The following CDH26 variants were observed in gnomAD, a reference collection of about 807,000 sequenced individuals.
The protein encoded by CDH26 is cadherin 26.
A neutral mutation model predicts 90.3 loss-of-function variants in CDH26; 83 were observed. That is an observed-to-expected ratio of 0.92 (90% CI 0.77 to 1.10). CDH26 has a LOEUF of 1.10. CDH26 is among the 50% of genes least tolerant of loss of function. The pLI is 0.00. For synonymous variants in CDH26, 397 were observed against 396.3 expected (o/e 1.00, Z -0.02); for missense variants, 1,013 against 1,037.6 (o/e 0.98, Z 0.33).
intron 2 of CDH26, 106 bp from the exon 3 acceptor site, chr20:59,969,976 G>A: frequency 6.8e-7 from 1 of 1,472,528 alleles, no homozygotes. Context: ...AGAGAATGCA[G>A]GCCAGGTGTC....
chr20:59,998,515 A>T (rs2146001389), intron 13 of CDH26, among the ~76,000 whole-genome samples: 1 of 152,298 alleles, frequency 6.6e-6, no homozygotes, highest in East Asian at 1.9e-4. Context: ...CTGGTCAAAG[A>T]CCAGCTATGC....
intron 16 of CDH26, 43 bp downstream of exon 16, chr20:60,002,909 T>C: frequency 7.1e-7 from 1 of 1,414,066 alleles, no homozygotes; most frequent in South Asian, 1.5e-5. Flanking sequence ...ATTTACCTTA[T>C]TGTTCTGCCT....
chr20:59,967,068 C>T (rs922565599), intron 1 of CDH26, among the ~76,000 whole-genome samples: 5 of 151,952 alleles, frequency 3.3e-5, no homozygotes, highest in Admixed American at 2.6e-4. Flanking sequence ...ATAAAAATTA[C>T]ACATTGTTAT....
rs778170230 is a variant in CDH26 at position 59,958,638 on chromosome 20, G to A, written c.-89G>A. On this transcript the variant is annotated 5_prime_UTR_variant, in exon 1 of 18. Transcript: ENST00000348616. ...ACCTTTAGAGAAGAAGCTGCTGGCTGAGAAGGAGGTGTGTGGCTCCGGTGA... is the reference window on the plus strand; with the variant it reads ...ACCTTTAGAGAAGAAGCTGCTGGCTAAGAAGGAGGTGTGTGGCTCCGGTGA... The A allele has an allele frequency of 1.1e-5, 14 of 1,239,440 alleles. No homozygotes were observed. Among genetic ancestry groups the A allele is most frequent in the African/African-American group, 4.5e-5 (3 of 67,386 alleles). 76.8% of individuals were successfully genotyped at this position (1,239,440 alleles called of 1,614,324 possible).
At chr20:59,983,456 C>A (rs1035174863) in intron 5 of CDH26, among the ~76,000 whole-genome samples, 3 of 152,094 alleles carry the variant, frequency 2.0e-5, no homozygotes, top group South Asian at 2.1e-4. Context: ...TAAACCCAAC[C>A]GACTCTTACT....
rs1034756392 is a variant in CDH26, at chr20:60,013,266, T to G, written c.*536T>G. ...TTCACTTTTTGATTAGATAAATAGA[T>G]AAAATATGTTATCTTGAGAAAAATG... is the stretch of plus-strand genomic sequence containing the variant. On this transcript the variant is annotated 3_prime_UTR_variant, in exon 18 of 18. Transcript: ENST00000348616. The G allele has an allele frequency of 6.6e-6, 1 of 152,354 alleles. No individual in the cohort carries two copies. The highest frequency in any genetic ancestry group is 2.4e-5 in the African/African-American group (1 of 41,460). The allele number at this position is 152,354 out of a possible 1,614,324, so 9.4% of individuals were successfully genotyped here.
intron 13 of CDH26, 118 bp downstream of exon 13, chr20:59,996,879 C>T: frequency 7.4e-7 from 1 of 1,360,160 alleles, no homozygotes; most frequent in Non-Finnish European, 1.0e-6. Flanking sequence ...ACCCGTGTTT[C>T]AGTAGCAAGT....
At position 59,984,665 on chromosome 20, in the gene CDH26, G is replaced by A. The variant is rs1365191474; in HGVS notation, c.568G>A (p.Val190Ile). The A allele has an allele frequency of 6.2e-7, 1 of 1,612,484 alleles. No homozygotes were observed. The highest frequency in any genetic ancestry group is 8.5e-7 in the Non-Finnish European group (1 of 1,179,614). ...AGQPIFQMLA[V>I]DLDEENTPNS... is the part of the protein sequence containing the mutation. ...GCAACCTATTTTTCAGATGTTAGCA[G>A]TCGATTTGGATGAAGAAAACACTCC... Residue 190 changes from valine to isoleucine, a missense_variant, in exon 6 of 18, where the codon GTC (valine) becomes ATC (isoleucine). Physicochemically the swap from Val to Ile is conservative, Grantham distance 29. Coordinates refer to ENST00000348616, the MANE Select transcript of CDH26 (RefSeq NM_177980.4).
At chr20:59,963,272 G>GTTT (rs2061100050) in intron 1 of CDH26, among the ~76,000 whole-genome samples, 1 of 66,344 alleles carries the variant, frequency 1.5e-5, no homozygotes. Flanking sequence ...TTTTTTTTTG[G>GTTT]CAGGGTCTCA....
intron 4 of CDH26, 83 bp from the exon 5 acceptor site, chr20:59,982,840 A>G: frequency 6.7e-7 from 1 of 1,495,300 alleles, no homozygotes; most frequent in South Asian, 1.2e-5. Context: ...CAGACGTAAC[A>G]CATAATTAGG....
At chr20:60,033,630 G>A in exon 9 of CDH26, 1 of 1,304,956 alleles carries the variant, frequency 7.7e-7, no homozygotes, top group Non-Finnish European at 1.0e-6. Flanking sequence ...GGAGACTACA[G>A]AGGAGAATCG....
chr20:59,988,862 G>A, intron 8 of CDH26, 42 bp from the exon 9 acceptor site: 1 of 1,602,884 alleles, frequency 6.2e-7, no homozygotes, highest in East Asian at 2.2e-5. Context: ...TCTGGCCAGA[G>A]GAGCAGCAGG....
intron 7 of CDH26, among the ~76,000 whole-genome samples, chr20:60,024,195 A>C (rs941070089): frequency 6.6e-6 from 1 of 152,236 alleles, no homozygotes; most frequent in Non-Finnish European, 1.5e-5. Flanking sequence ...GGGGGGTTGG[A>C]ACAACCAACC....
chr20:60,027,674 A>G (rs2062008683), intron 7 of CDH26, among the ~76,000 whole-genome samples: 1 of 152,208 alleles, frequency 6.6e-6, no homozygotes, highest in Non-Finnish European at 1.5e-5. Context: ...CCAGAGAGGT[A>G]TAGACTATTG....
chr20:60,029,648 G>A (rs195025), intron 7 of CDH26, among the ~76,000 whole-genome samples: 2 of 151,130 alleles, frequency 1.3e-5, no homozygotes, highest in Non-Finnish European at 2.9e-5. Context: ...CTCCCACCCC[G>A]CAACAGGCCC....
chr20:59,966,761 T>C (rs2061154323), intron 1 of CDH26, among the ~76,000 whole-genome samples: 1 of 152,174 alleles, frequency 6.6e-6, no homozygotes, highest in Non-Finnish European at 1.5e-5. Flanking sequence ...ACTTTGAAAA[T>C]TGCTGCTACA....
intron 17 of CDH26, among the ~76,000 whole-genome samples, chr20:60,008,213 T>C (rs2061780318): frequency 1.3e-5 from 2 of 152,330 alleles, no homozygotes; most frequent in Non-Finnish European, 1.5e-5. Context: ...CCAGACTTAT[T>C]TTTTTGGCAA....
chr20:59,984,662 G>A lies in CDH26; in HGVS notation c.565G>A (p.Ala189Thr), dbSNP rs2061430646. 6.2e-7 allele frequency: 1 copy of A among 1,611,936 alleles called. No homozygotes were observed. Among genetic ancestry groups the A allele is most frequent in the Middle Eastern group, 1.7e-4 (1 of 6,056 alleles). The part of the protein sequence containing the change: ...SAGQPIFQML[A>T]VDLDEENTPN... ...AGGGCAACCTATTTTTCAGATGTTAGCAGTCGATTTGGATGAAGAAAACAC... is the reference window on the plus strand; with the variant it reads ...AGGGCAACCTATTTTTCAGATGTTAACAGTCGATTTGGATGAAGAAAACAC... The change falls in exon 6 of 18, where the codon GCA (alanine) becomes ACA (threonine). Residue 189 changes from alanine to threonine, a missense_variant. Transcript: ENST00000348616.
At position 59,992,572 on chromosome 20, in the gene CDH26, C is replaced by A. The variant is rs753643396; in HGVS notation, c.1426+52C>A. ...ATAAAATGCTCATTCTTGCTTCCTGCGGGAAAATAACCCTGGTGAGCGTCT... is the reference window on the plus strand; with the variant it reads ...ATAAAATGCTCATTCTTGCTTCCTGAGGGAAAATAACCCTGGTGAGCGTCT... On this transcript the variant is annotated intron_variant, in intron 10 of 17. Coordinates refer to ENST00000348616, the MANE Select transcript of CDH26 (RefSeq NM_177980.4). This position sits in a 1 kb window ranked among gnomAD's most constrained non-coding sequence, Gnocchi z 5.0. The A allele has an allele frequency of 2.5e-6, 4 of 1,590,980 alleles. No homozygotes were observed. The highest frequency in any genetic ancestry group is 1.7e-5 in the Admixed American group (1 of 59,640).
Sources: gnomAD v4.1 joint callset for allele counts (sites outside exome capture counted in the v4.1 genomes callset) on GRCh38, gnomAD v4.1.1 for gene constraint, Gnocchi (gnomAD v3.1) non-coding constraint, MANE v1.5 for transcripts, NCBI Gene and HGNC (gene_info 2026-07-23, HGNC 2026-07-21) for gene names.